The following PDYN variants were observed in gnomAD, a reference collection of about 807,000 sequenced individuals.
PDYN encodes proenkephalin-B.
In PDYN, 5 loss-of-function variants were observed where a neutral mutation model predicts 11.4. The observed-to-expected ratio is 0.44, with a 90% CI of 0.23 to 0.92. The LOEUF is 0.92. PDYN is among the 40% of genes least tolerant of loss of function. The pLI is 0.24. For missense variants in PDYN, 337 were observed against 317.3 expected (o/e 1.06, Z -0.47); for synonymous variants, 132 against 129.5 (o/e 1.02, Z -0.13).
chr20:1,983,879 A>G (rs1173769450), intron 2 of PDYN, among the ~76,000 whole-genome samples: 5 of 152,120 alleles, frequency 3.3e-5, no homozygotes, highest in Non-Finnish European at 7.4e-5. Context: ...GCTTCTTGCA[A>G]TTCCCTTAAT....
chr20:1,990,725 T>G (rs1988397258), intron 2 of PDYN, among the ~76,000 whole-genome samples: 1 of 151,774 alleles, frequency 6.6e-6, no homozygotes, highest in Non-Finnish European at 1.5e-5. Flanking sequence ...ACCCTTTTTG[T>G]TATCTGGTGC....
chr20:1,986,166 G>T (rs544228584), intron 2 of PDYN, among the ~76,000 whole-genome samples: 1 of 152,170 alleles, frequency 6.6e-6, no homozygotes, highest in Admixed American at 6.5e-5. Context: ...CTACAGCACT[G>T]GTGCTGTTGC....
Position 1,980,332 on chromosome 20 carries a change from A to C in PDYN, c.756T>G (p.Phe252Leu). 1.2e-6 allele frequency: 2 copies of C among 1,614,152 alleles called. No homozygotes were observed. Among genetic ancestry groups the C allele is most frequent in the Non-Finnish European group, 1.7e-6 (2 of 1,180,022 alleles). ...CCATGAAAAGAGGTGCTTATGCATC[A>C]AAAAGCTCTCCAGAGTAAGCATTCG... ...EDPNAYSGEL[F>L]DA Residue 252 changes from phenylalanine to leucine, a missense_variant, in exon 4 of 4, where the codon TTT becomes TTG. Physicochemically the swap from Phe to Leu is conservative, Grantham distance 22. Transcript: ENST00000217305.
In PDYN at chr20:1,980,177, AAG is replaced by A; in HGVS notation, c.*144_*145del. The A allele has an allele frequency of 1.2e-6, 1 of 851,516 alleles. No individual in the cohort carries two copies. Among genetic ancestry groups the A allele is most frequent in the Non-Finnish European group, 2.0e-6 (1 of 511,634 alleles). The allele number at this position is 851,516 out of a possible 1,614,324, so 52.7% of individuals were successfully genotyped here. On this transcript the variant is annotated 3_prime_UTR_variant, in exon 4 of 4. Transcript: ENST00000217305. ...AGAGAAATAACATACTCCCACGCAG[AAG>A]AGAGATAGGCTGGGCTTGGATATTT... is the stretch of plus-strand genomic sequence containing the variant.
chr20:1,981,071 G>A, intron 3 of PDYN, 113 bp from the exon 4 acceptor site: 1 of 1,167,982 alleles, frequency 8.6e-7, no homozygotes, highest in South Asian at 1.3e-5. Context: ...CCACTGCTAA[G>A]CCCTGGGCTA....
intron 2 of PDYN, among the ~76,000 whole-genome samples, chr20:1,984,548 C>A (rs1007576365): frequency 8.5e-5 from 13 of 152,162 alleles, no homozygotes; most frequent in Non-Finnish European, 1.8e-4. Context: ...CAGCACATCG[C>A]AGGTCCTCCA....
Position 1,978,760 on chromosome 20 carries a change from C to G in PDYN, c.*1563G>C, listed in dbSNP as rs1023267889. On this transcript the variant is annotated 3_prime_UTR_variant, in exon 4 of 4. Coordinates refer to ENST00000217305, the MANE Select transcript of PDYN (RefSeq NM_024411.5). ...CGTACACACACACCCACCAAGTCAT[C>G]AGCATCTTTCTTTTATTTATTGTAC... 2 of 152,172 alleles carry G rather than the reference C, an allele frequency of 1.3e-5. No homozygotes were observed. Among genetic ancestry groups the G allele is most frequent in the African/African-American group, 2.4e-5 (1 of 41,432 alleles). The allele number at this position is 152,172 out of a possible 1,614,324, so 9.4% of individuals were successfully genotyped here.
At chr20:1,993,324 CA>C (rs1272905267) in intron 1 of PDYN, among the ~76,000 whole-genome samples, 1 of 152,126 alleles carries the variant, frequency 6.6e-6, no homozygotes, top group Admixed American at 6.5e-5. Context: ...AAAACATCCC[CA>C]AACTTCAACC....
At position 1,980,163 on chromosome 20, in the gene PDYN, A is replaced by C. The variant is rs1280585498; in HGVS notation, c.*160T>G. ...CCATCACAGACCCCAGAGAAATAAC[A>C]TACTCCCACGCAGAAGAGAGATAGG... is the stretch of plus-strand genomic sequence containing the variant. On this transcript the variant is annotated 3_prime_UTR_variant, in exon 4 of 4. Coordinates refer to ENST00000217305, the MANE Select transcript of PDYN (RefSeq NM_024411.5). 1 of 782,210 alleles carries C rather than the reference A, an allele frequency of 1.3e-6. No homozygotes were observed. Among genetic ancestry groups the C allele is most frequent in the Non-Finnish European group, 2.2e-6 (1 of 459,862 alleles). 48.5% of individuals were successfully genotyped at this position (782,210 alleles called of 1,614,324 possible).
At chr20:1,985,945 C>T (rs1170841772) in intron 2 of PDYN, among the ~76,000 whole-genome samples, 1 of 152,196 alleles carries the variant, frequency 6.6e-6, no homozygotes, top group South Asian at 2.1e-4. Context: ...CCATCTAACT[C>T]CTGGCCGAAG....
intron 2 of PDYN, among the ~76,000 whole-genome samples, chr20:1,983,936 T>A (rs1988004215): frequency 6.6e-6 from 1 of 152,274 alleles, no homozygotes; most frequent in African/African-American, 2.4e-5. Flanking sequence ...CACATGCTGT[T>A]CCCTCCGCCT....
chr20:1,983,831 A>G (rs938215267), intron 2 of PDYN, among the ~76,000 whole-genome samples: 2 of 152,184 alleles, frequency 1.3e-5, no homozygotes, highest in African/African-American at 2.4e-5. Flanking sequence ...TCCCTTTCCT[A>G]CAATCCCACA....
chr20:1,990,398 T>C (rs1454424991), intron 2 of PDYN, among the ~76,000 whole-genome samples: 1 of 152,224 alleles, frequency 6.6e-6, no homozygotes, highest in Non-Finnish European at 1.5e-5. Context: ...AAGTTCACCC[T>C]TGTGGGTCTC....
Position 1,980,196 on chromosome 20 carries a change from T to G in PDYN, c.*127A>C. ...ACGCAGAAGAGAGATAGGCTGGGCT[T>G]GGATATTTTGTACACAATGCTGAGC... On this transcript the variant is annotated 3_prime_UTR_variant, in exon 4 of 4. Coordinates refer to ENST00000217305, the MANE Select transcript of PDYN (RefSeq NM_024411.5). The G allele has an allele frequency of 1.0e-6, 1 of 967,882 alleles. No homozygotes were observed. The highest frequency in any genetic ancestry group is 1.6e-6 in the Non-Finnish European group (1 of 606,704). 60.0% of individuals were successfully genotyped at this position (967,882 alleles called of 1,614,324 possible).
chr20:1,990,227 G>C (rs78143128), intron 2 of PDYN, among the ~76,000 whole-genome samples: 2,066 of 152,274 alleles, frequency 0.014, 43 homozygotes, highest in African/African-American at 0.046. Context: ...CAAGAAGCAA[G>C]GAAACAGCAG....
chr20:1,984,540 G>A (rs959056960), intron 2 of PDYN, among the ~76,000 whole-genome samples: 1 of 152,154 alleles, frequency 6.6e-6, no homozygotes, highest in African/African-American at 2.4e-5. Context: ...ACCCCGGCCA[G>A]CACATCGCAG....
chr20:1,989,508 G>C (rs1988338830), intron 2 of PDYN, among the ~76,000 whole-genome samples: 1 of 152,292 alleles, frequency 6.6e-6, no homozygotes, highest in East Asian at 1.9e-4. Flanking sequence ...CCAGGGCCCA[G>C]AGTTCCTTGA....
rs1987541800 is a variant in PDYN at position 1,978,918 on chromosome 20, C to T, written c.*1405G>A. The T allele has an allele frequency of 6.6e-6, 1 of 152,142 alleles. No individual in the cohort carries two copies. Among genetic ancestry groups the T allele is most frequent in the South Asian group, 2.1e-4 (1 of 4,824 alleles). 9.4% of individuals were successfully genotyped at this position (152,142 alleles called of 1,614,324 possible). ...TCCATTTCAGAACATCATCAGATAC[C>T]TGGGGACTGCGCATGAAGAGATGTG... On this transcript the variant is annotated 3_prime_UTR_variant, in exon 4 of 4. Coordinates refer to ENST00000217305, the MANE Select transcript of PDYN (RefSeq NM_024411.5).
chr20:1,987,131 CTG>C (rs1245222882), intron 2 of PDYN, among the ~76,000 whole-genome samples: 1 of 152,028 alleles, frequency 6.6e-6, no homozygotes, highest in African/African-American at 2.4e-5. Context: ...AAGGGAGAGA[CTG>C]GGGTGAAAAA....
Sources: gnomAD v4.1 joint callset for allele counts (sites outside exome capture counted in the v4.1 genomes callset) on GRCh38, gnomAD v4.1.1 for gene constraint, MANE v1.5 for transcripts, NCBI Gene and HGNC (gene_info 2026-07-23, HGNC 2026-07-21) for gene names.